CYFIP2: variants seen among roughly 807,000 people sequenced by gnomAD.
The protein encoded by CYFIP2 is cytoplasmic FMR1 interacting protein 2.
CYFIP2 carries 29 observed loss-of-function variants against 158.7 expected under a neutral mutation model. The observed-to-expected ratio is 0.18, with a 90% CI of 0.14 to 0.25. CYFIP2 has a LOEUF of 0.25. Among genes scored for constraint, CYFIP2 ranks in the 10% least tolerant of loss-of-function variants. The pLI is 1.00. For synonymous variants in CYFIP2, 585 were observed against 617.6 expected, an observed-to-expected ratio of 0.95 and a Z score of 0.78; for missense variants, 852 against 1,639.5, an observed-to-expected ratio of 0.52 and a Z score of 8.29.
rs7724099 is a variant in CYFIP2, at chr5:157,294,978, C to A, written c.285+118C>A. ...CCACGTGGTAGGGAGTAAAGCAGGT[C>A]CTCTTATCCAAGGAAGAACCTGGAA... On this transcript the variant is annotated intron_variant, in intron 4 of 30. Transcript: ENST00000620254. 210,686 of 664,302 alleles carry A rather than the reference C, an allele frequency of 0.32. 38,188 individuals are homozygous for A. The highest frequency in any genetic ancestry group is 0.38 in the Non-Finnish European group (153,177 of 402,814). The allele number at this position is 664,302 out of a possible 1,614,324, so 41.2% of individuals were successfully genotyped here.
intron 23 of CYFIP2, among the ~76,000 whole-genome samples, chr5:157,349,227 G>A (rs1407734135): frequency 6.6e-6 from 1 of 152,028 alleles, no homozygotes; most frequent in African/African-American, 2.4e-5. Flanking sequence ...CCCATCATAC[G>A]AGCAGTATAC....
chr5:157,367,333 T>C (rs1764476342), intron 26 of CYFIP2, among the ~76,000 whole-genome samples: 1 of 152,232 alleles, frequency 6.6e-6, no homozygotes, highest in African/African-American at 2.4e-5. Flanking sequence ...CAATAATGTC[T>C]CTAGATATTG....
intron 26 of CYFIP2, among the ~76,000 whole-genome samples, chr5:157,365,957 G>A (rs1764330220): frequency 6.6e-6 from 1 of 151,960 alleles, no homozygotes; most frequent in Non-Finnish European, 1.5e-5. Context: ...TATGAATAAT[G>A]ATGTCATGAA....
chr5:157,300,586 C>A, intron 5 of CYFIP2, 129 bp from the exon 6 acceptor site: 1 of 761,576 alleles, frequency 1.3e-6, no homozygotes, highest in Non-Finnish European at 1.8e-6. Flanking sequence ...AAGGACTCCT[C>A]TGAGAAAAAT....
chr5:157,272,754 T>C (rs1371928485), intron 1 of CYFIP2, among the ~76,000 whole-genome samples: 3 of 152,222 alleles, frequency 2.0e-5, no homozygotes, highest in Non-Finnish European at 4.4e-5. Flanking sequence ...ATTATTAATA[T>C]ATATAAATGA....
Position 157,393,522 on chromosome 5 carries a change from A to G in CYFIP2, c.*522A>G, listed in dbSNP as rs557242207. The G allele has an allele frequency of 1.3e-5, 2 of 148,730 alleles. No homozygotes were observed. The highest frequency in any genetic ancestry group is 5.3e-5 in the African/African-American group (2 of 38,080). The allele number at this position is 148,730 out of a possible 1,614,324, so 9.2% of individuals were successfully genotyped here. A position where few individuals can be genotyped will look rare whatever the true frequency, so the allele number is the denominator to read the frequency against. On this transcript the variant is annotated 3_prime_UTR_variant, in exon 31 of 31. Transcript: ENST00000620254. Reference sequence around the variant, plus strand: ...AGTGCCCCGGGTGTCATCTTCTCCCACTCTGGGTACCAGGGATTCTACCAC... The same window carrying G: ...AGTGCCCCGGGTGTCATCTTCTCCCGCTCTGGGTACCAGGGATTCTACCAC...
rs762034929 is a variant in CYFIP2, at chr5:157,361,349, C to T, written c.2909-119C>T. 9 of 1,284,310 alleles carry T rather than the reference C, an allele frequency of 7.0e-6. No homozygotes were observed. Among genetic ancestry groups the T allele is most frequent in the Non-Finnish European group, 8.7e-6 (8 of 915,486 alleles). The allele number at this position is 1,284,310 out of a possible 1,614,324, so 79.6% of individuals were successfully genotyped here. ...TCTGGGCCTGCAGGTAAGAGGGATG[C>T]GTGGTTTGGCTTTTTGCTATCCCAG... is the stretch of plus-strand genomic sequence containing the variant. On this transcript the variant is annotated intron_variant, in intron 25 of 30. Coordinates refer to ENST00000620254, the MANE Select transcript of CYFIP2 (RefSeq NM_001037333.3). This position sits in a 1 kb window ranked among gnomAD's most constrained non-coding sequence, Gnocchi z 4.4.
intron 16 of CYFIP2, among the ~76,000 whole-genome samples, 151 bp downstream of exon 16, chr5:157,324,225 C>A (rs1581060763): frequency 6.6e-6 from 1 of 152,236 alleles, no homozygotes; most frequent in Admixed American, 6.5e-5. Context: ...CATACACTTT[C>A]CAGTGGGCTT....
chr5:157,320,576 C>T (rs7730231), intron 14 of CYFIP2, 79 bp from the exon 15 acceptor site: 430,024 of 1,569,598 alleles, frequency 0.27, 61,933 homozygotes, highest in African/African-American at 0.48. Context: ...TGGGACACCA[C>T]GGGCCCTAGA....
chr5:157,294,572 T>C (rs1250720432), intron 3 of CYFIP2, among the ~76,000 whole-genome samples: 1 of 152,180 alleles, frequency 6.6e-6, no homozygotes, highest in Non-Finnish European at 1.5e-5. Context: ...TCATTGTGTA[T>C]GTGAGTCATC....
intron 7 of CYFIP2, chr5:157,303,248 TA>T: frequency 4.9e-6 from 1 of 205,752 alleles, no homozygotes; most frequent in South Asian, 1.1e-4. Flanking sequence ...TCCTCATCCG[TA>T]AAATGGGTCT....
At chr5:157,346,109 A>G (rs1288809436) in intron 23 of CYFIP2, among the ~76,000 whole-genome samples, 1 of 151,438 alleles carries the variant, frequency 6.6e-6, no homozygotes, top group African/African-American at 2.4e-5. Flanking sequence ...ACATAGTTAT[A>G]TGGTACTGGT....
chr5:157,387,625 A>G (rs1413670918), intron 28 of CYFIP2, among the ~76,000 whole-genome samples: 1 of 152,078 alleles, frequency 6.6e-6, no homozygotes, highest in Non-Finnish European at 1.5e-5. Context: ...AATAGAACAG[A>G]GTAAGAACAA....
chr5:157,340,735 A>G (rs1762186540), intron 22 of CYFIP2, among the ~76,000 whole-genome samples: 1 of 152,092 alleles, frequency 6.6e-6, no homozygotes, highest in Non-Finnish European at 1.5e-5. Context: ...AGTTTGCTGA[A>G]CTCTGCTCTT....
At chr5:157,323,884 C>T in intron 15 of CYFIP2, 37 bp from the exon 16 acceptor site, 2 of 1,496,404 alleles carry the variant, frequency 1.3e-6, no homozygotes, top group African/African-American at 2.8e-5. Context: ...GGTAGAGGGC[C>T]AGCTTCTGAC....
intron 13 of CYFIP2, among the ~76,000 whole-genome samples, chr5:157,316,681 A>G (rs1006323637): frequency 6.6e-6 from 1 of 152,216 alleles, no homozygotes; most frequent in African/African-American, 2.4e-5. Context: ...TGGTCACTTC[A>G]GCTCTCAGAG....
At chr5:157,348,034 T>C (rs566096439) in intron 23 of CYFIP2, among the ~76,000 whole-genome samples, 1 of 152,370 alleles carries the variant, frequency 6.6e-6, no homozygotes, top group Admixed American at 6.5e-5. Flanking sequence ...CCAGCCAGGC[T>C]CACACTTTCT....
chr5:157,385,217 C>T (rs565799316), intron 28 of CYFIP2, among the ~76,000 whole-genome samples: 62 of 152,364 alleles, frequency 4.1e-4, no homozygotes, highest in Non-Finnish European at 7.6e-4. Context: ...AATTCCTTCC[C>T]TGTTCTGGTG....
In CYFIP2 at chr5:157,389,225, A is replaced by G; in HGVS notation, c.3244A>G (p.Lys1082Glu). 1 of 1,613,668 alleles carries G rather than the reference A, an allele frequency of 6.2e-7. No individual in the cohort carries two copies. Among genetic ancestry groups the G allele is most frequent in the Non-Finnish European group, 8.5e-7 (1 of 1,179,612 alleles). ...TGCTCGCGAGGGTGACCTCCTGACC[A>G]AGGAGCGGCTGTGCTGTGGCCTGTC... is the stretch of plus-strand genomic sequence containing the variant. ...AIAREGDLLT[K>E]ERLCCGLSMF... The change falls in exon 29 of 31, where the codon AAG (lysine) becomes GAG (glutamate). Residue 1082 changes from lysine to glutamate, a missense_variant. This residue lies in a region of CYFIP2 where 223 missense variants were observed against 381.6 expected (regional missense o/e 0.58). Coordinates refer to ENST00000620254, the MANE Select transcript of CYFIP2 (RefSeq NM_001037333.3).
Sources: gnomAD v4.1 joint callset for allele counts (sites outside exome capture counted in the v4.1 genomes callset) on GRCh38, gnomAD v4.1.1 for gene constraint, gnomAD v4.1.1 regional missense constraint, Gnocchi (gnomAD v3.1) non-coding constraint, MANE v1.5 for transcripts, NCBI Gene and HGNC (gene_info 2026-07-23, HGNC 2026-07-21) for gene names.